The following AKAP6 variants were observed in gnomAD, a reference collection of about 807,000 sequenced individuals.
AKAP6 encodes A-kinase anchoring protein 6.
AKAP6 carries 58 observed loss-of-function variants against 188.5 expected under a neutral mutation model. That is an observed-to-expected ratio of 0.31 (90% CI 0.25 to 0.38). The LOEUF (loss-of-function observed/expected upper bound fraction) is 0.38, where lower values mean the gene tolerates loss of function less well. Ranked by LOEUF, AKAP6 falls within the 10% of genes least tolerant of loss-of-function variation. AKAP6 has a pLI of 1.00. For missense variants in AKAP6, 2,710 were observed against 2,740.0 expected (o/e 0.99, Z 0.24); for synonymous variants, 989 against 998.6 (o/e 0.99, Z 0.18).
Position 32,535,645 on chromosome 14 carries a change from A to T in AKAP6, c.416A>T (p.Asn139Ile). Residue 139 changes from asparagine (N) to isoleucine (I), a missense_variant, in exon 3 of 14, where the codon AAC becomes ATC. Asn to Ile is a moderately radical substitution (Grantham distance 149). Transcript: ENST00000280979. ...CTAAAGCTGCTGTCTTACTCTGTCA[A>T]CGTGATAGTGGACATCCACGCAGTG... The part of the protein sequence containing the change: ...FSLKLLSYSV[N>I]VIVDIHAVQL... 6.2e-7 allele frequency: 1 copy of T among 1,614,232 alleles called. No individual in the cohort carries two copies. Among genetic ancestry groups the T allele is most frequent in the Non-Finnish European group, 8.5e-7 (1 of 1,180,010 alleles).
At chr14:32,365,295 C>T (rs768518003) in intron 1 of AKAP6, among the ~76,000 whole-genome samples, 19 of 152,138 alleles carry the variant, frequency 1.2e-4, no homozygotes, top group Non-Finnish European at 2.5e-4. Context: ...GAGAGATTCT[C>T]CAATTAGGAG....
At chr14:32,812,439 TG>T (rs3216655) in intron 12 of AKAP6, among the ~76,000 whole-genome samples, 107,716 of 151,968 alleles carry the variant, frequency 0.71, 38,217 homozygotes, top group Admixed American at 0.75. Flanking sequence ...CTTGAAACTC[TG>T]GGGGGAAATT....
chr14:32,487,644 C>A (rs1043021553), intron 2 of AKAP6, among the ~76,000 whole-genome samples: 3 of 152,208 alleles, frequency 2.0e-5, no homozygotes, highest in African/African-American at 7.2e-5. Context: ...GAATTTTCAG[C>A]CTTTTTGCAC....
intron 1 of AKAP6, among the ~76,000 whole-genome samples, chr14:32,346,469 T>G (rs529054940): frequency 1.3e-5 from 2 of 152,346 alleles, no homozygotes; most frequent in Admixed American, 6.5e-5. Flanking sequence ...CCAAAAACTC[T>G]GTGGGATATG....
At chr14:32,343,805 A>C (rs2138421623) in intron 1 of AKAP6, among the ~76,000 whole-genome samples, 1 of 151,786 alleles carries the variant, frequency 6.6e-6, no homozygotes, top group South Asian at 2.1e-4. Context: ...ACTGTAAAGA[A>C]CTGGGGAGAC....
rs1891090356 is a variant in AKAP6 at position 32,454,793 on chromosome 14, TTCCC to T, written c.324+21000_324+21003del. ...CTTCCCTCCTTCCCTCCCTCCCTCC[TTCCC>T]TCCCTCCCTCCCTCCCTCCCTCCTT... is the stretch of plus-strand genomic sequence containing the variant. On this transcript the variant is annotated intron_variant, in intron 2 of 13. Coordinates refer to ENST00000280979, the MANE Select transcript of AKAP6 (RefSeq NM_004274.5). 5.9e-3 allele frequency among the ~76,000 whole-genome samples: 29 copies of T among 4,928 alleles called. 1 individual carries two copies. Among genetic ancestry groups the T allele is most frequent in the South Asian group, 0.013 (1 of 76 alleles). The allele number at this position is 4,928 out of a possible 152,430, so 3.2% of individuals were successfully genotyped here.
chr14:32,559,477 A>T (rs1040093043), intron 4 of AKAP6, among the ~76,000 whole-genome samples: 8 of 152,196 alleles, frequency 5.3e-5, no homozygotes, highest in Admixed American at 2.0e-4. Context: ...CATCTTTGGG[A>T]TAGTTTGGAC....
intron 7 of AKAP6, among the ~76,000 whole-genome samples, chr14:32,667,261 T>C (rs1033147341): frequency 6.6e-6 from 1 of 152,118 alleles, no homozygotes; most frequent in Non-Finnish European, 1.5e-5. Context: ...AGGTTTACAA[T>C]AGTGTGTCTA....
chr14:32,535,073 C>T (rs1243280478), intron 2 of AKAP6, among the ~76,000 whole-genome samples: 4 of 151,672 alleles, frequency 2.6e-5, no homozygotes, highest in Non-Finnish European at 5.9e-5. Flanking sequence ...TCAAATACCC[C>T]GTAGTTCATT....
chr14:32,346,656 C>T (rs982951260), intron 1 of AKAP6, among the ~76,000 whole-genome samples: 31 of 152,130 alleles, frequency 2.0e-4, no homozygotes, highest in Non-Finnish European at 4.4e-4. Context: ...CTACAGGGGC[C>T]CGCCACCGCG....
intron 11 of AKAP6, among the ~76,000 whole-genome samples, chr14:32,746,751 G>A (rs773892355): frequency 3.3e-5 from 5 of 152,100 alleles, no homozygotes; most frequent in East Asian, 1.9e-4. Context: ...CCTAGAAACC[G>A]TTTCAGAATC....
At chr14:32,674,112 C>A (rs752029347) in intron 7 of AKAP6, among the ~76,000 whole-genome samples, 4 of 152,034 alleles carry the variant, frequency 2.6e-5, no homozygotes, top group Non-Finnish European at 4.4e-5. Context: ...GGGAACAATA[C>A]GTGCAAAGGT....
chr14:32,551,642 T>TTTG (rs1566571370), intron 4 of AKAP6, among the ~76,000 whole-genome samples: 48 of 148,954 alleles, frequency 3.2e-4, no homozygotes, highest in East Asian at 2.0e-3. Flanking sequence ...ATTCTGTAAT[T>TTTG]TTTGTTTGTT....
intron 7 of AKAP6, among the ~76,000 whole-genome samples, chr14:32,606,997 C>T (rs1433531259): frequency 2.0e-5 from 3 of 152,082 alleles, no homozygotes; most frequent in African/African-American, 7.2e-5. Context: ...CTAGTGTTAG[C>T]ATGTGTTTTT....
intron 8 of AKAP6, among the ~76,000 whole-genome samples, chr14:32,690,417 AT>A (rs1890130434): frequency 6.6e-6 from 1 of 152,170 alleles, no homozygotes; most frequent in South Asian, 2.1e-4. Flanking sequence ...CTAGTCAAAT[AT>A]AACTCCCATC....
intron 2 of AKAP6, among the ~76,000 whole-genome samples, chr14:32,491,617 A>G (rs184405484): frequency 3.9e-5 from 6 of 152,346 alleles, no homozygotes; most frequent in Admixed American, 2.0e-4. Flanking sequence ...ACTGGAGCAC[A>G]TGACAACCTC....
intron 1 of AKAP6, among the ~76,000 whole-genome samples, chr14:32,401,460 T>C (rs1566484017): frequency 6.6e-6 from 1 of 152,176 alleles, no homozygotes; most frequent in Admixed American, 6.5e-5. Flanking sequence ...GACACTTTTT[T>C]CTCTACTTTA....
intron 12 of AKAP6, 76 bp downstream of exon 12, chr14:32,773,969 G>A (rs746448799): frequency 6.1e-6 from 9 of 1,463,512 alleles, no homozygotes; most frequent in Non-Finnish European, 7.5e-6. Context: ...GCTTGGAAAC[G>A]GTGTTCATCT....
At chr14:32,621,803 T>A (rs1255076518) in intron 7 of AKAP6, among the ~76,000 whole-genome samples, 3 of 152,122 alleles carry the variant, frequency 2.0e-5, no homozygotes, top group East Asian at 3.9e-4. Context: ...TGCTGCATAC[T>A]TGGACATTTT....
Sources: gnomAD v4.1 joint callset for allele counts (sites outside exome capture counted in the v4.1 genomes callset) on GRCh38, gnomAD v4.1.1 for gene constraint, MANE v1.5 for transcripts, NCBI Gene and HGNC (gene_info 2026-07-23, HGNC 2026-07-21) for gene names.